LARP1: variants seen among roughly 807,000 people sequenced by gnomAD.
LARP1 encodes la-related protein 1.
LARP1 carries 36 observed loss-of-function variants against 122.7 expected under a neutral mutation model. The observed-to-expected ratio is 0.29, with a 90% CI of 0.22 to 0.39. The LOEUF (loss-of-function observed/expected upper bound fraction) is 0.39. Ranked by LOEUF, LARP1 falls within the 10% of genes least tolerant of loss-of-function variation. The probability of loss-of-function intolerance (pLI) is 1.00; values close to 1 mark genes in which losing one functional copy is unlikely to be tolerated. For missense variants in LARP1, 1,040 were observed against 1,403.6 expected (o/e 0.74, Z 4.14); for synonymous variants, 539 against 528.7 (o/e 1.02, Z -0.27).
intron 1 of LARP1, among the ~76,000 whole-genome samples, chr5:154,785,761 C>T (rs564663618): frequency 6.6e-6 from 1 of 152,252 alleles, no homozygotes; most frequent in Non-Finnish European, 1.5e-5. Context: ...GGTCATTAAC[C>T]ACTCCACTTT....
chr5:154,768,091 G>A (rs1425774011), intron 1 of LARP1, among the ~76,000 whole-genome samples: 2 of 152,158 alleles, frequency 1.3e-5, no homozygotes, highest in African/African-American at 4.8e-5. Flanking sequence ...AAGCTCTGAT[G>A]GCAGGTGAGA....
chr5:154,814,177 G>A lies in LARP1; in HGVS notation c.*81G>A. 2.2e-6 allele frequency: 3 copies of A among 1,346,652 alleles called. No homozygotes were observed. Among genetic ancestry groups the A allele is most frequent in the Non-Finnish European group, 3.1e-6 (3 of 961,446 alleles). The allele number at this position is 1,346,652 out of a possible 1,614,324, so 83.4% of individuals were successfully genotyped here. The stretch of plus-strand genomic sequence containing the variant: ...CATGGGGGTGCCCAGTCCCAGGAAA[G>A]GGGACAATGAAGGGACAGGCCTGGA... On this transcript the variant is annotated 3_prime_UTR_variant, in exon 19 of 19. Transcript: ENST00000518297.
At chr5:154,763,675 A>T (rs753486861) in intron 1 of LARP1, among the ~76,000 whole-genome samples, 2 of 151,604 alleles carry the variant, frequency 1.3e-5, no homozygotes, top group South Asian at 2.1e-4. Context: ...GTGACCCCAC[A>T]TGTAATGTAC....
chr5:154,756,681 G>T (rs1753951090), intron 1 of LARP1, among the ~76,000 whole-genome samples: 1 of 152,166 alleles, frequency 6.6e-6, no homozygotes, highest in Admixed American at 6.5e-5. Context: ...AGTACATGCT[G>T]GCCGCACGGA....
intron 1 of LARP1, among the ~76,000 whole-genome samples, chr5:154,691,343 TG>T (rs1387644978): frequency 6.6e-6 from 1 of 151,960 alleles, no homozygotes; most frequent in Non-Finnish European, 1.5e-5. Context: ...TGCCACTATC[TG>T]ACTGTGTGAC....
chr5:154,690,110 C>T (rs536760392), intron 1 of LARP1, among the ~76,000 whole-genome samples: 1 of 152,050 alleles, frequency 6.6e-6, no homozygotes, highest in Non-Finnish European at 1.5e-5. Context: ...TAGCAGCCCT[C>T]GGAAGGCAGG....
intron 1 of LARP1, among the ~76,000 whole-genome samples, chr5:154,728,244 G>C (rs976021160): frequency 3.3e-5 from 5 of 152,114 alleles, no homozygotes; most frequent in African/African-American, 1.2e-4. Context: ...AGCAGCCTGC[G>C]GATTCCGATG....
At chr5:154,764,594 TC>T (rs1754758182) in intron 1 of LARP1, among the ~76,000 whole-genome samples, 1 of 24,616 alleles carries the variant, frequency 4.1e-5, no homozygotes, top group African/African-American at 1.6e-4. Flanking sequence ...AGACCATGTC[TC>T]AAAAAAAAAA....
intron 1 of LARP1, among the ~76,000 whole-genome samples, chr5:154,763,137 C>T (rs35879162): frequency 0.055 from 8,344 of 151,228 alleles, 251 homozygotes; most frequent in South Asian, 0.066. Context: ...CTCAGCTCAC[C>T]GCAACCTATG....
intron 17 of LARP1, 54 bp from the exon 18 acceptor site, chr5:154,811,456 TCTC>T: frequency 2.5e-6 from 4 of 1,612,692 alleles, no homozygotes; most frequent in Non-Finnish European, 3.4e-6. Context: ...CACCTCCCTC[TCTC>T]CTCTGAGCTT....
rs796639791 is a variant in LARP1 at position 154,748,951 on chromosome 5, T to C, written c.205+35821T>C. ...GGAACATGTCTGTTTTGCTCACTTTTCTATGTCTAGGGCCTAGCAGTATCT... is the reference window on the plus strand; with the variant it reads ...GGAACATGTCTGTTTTGCTCACTTTCCTATGTCTAGGGCCTAGCAGTATCT... On this transcript the variant is annotated intron_variant, in intron 1 of 18. Coordinates refer to the LARP1 transcript ENST00000336314. Among the ~76,000 whole-genome samples the C allele has an allele frequency of 6.6e-5, 10 of 152,360 alleles. 1 individual carries two copies. The highest frequency in any genetic ancestry group is 2.4e-4 in the African/African-American group (10 of 41,580).
rs1031737172 is a variant in LARP1, at chr5:154,794,176, C to G, written c.1146C>G (p.Asn382Lys). 6.2e-7 allele frequency: 1 copy of G among 1,614,090 alleles called. No homozygotes were observed. Among genetic ancestry groups the G allele is most frequent in the African/African-American group, 1.3e-5 (1 of 74,924 alleles). Residue 382 changes from asparagine (N) to lysine (K), a missense_variant, in exon 7 of 19, where the codon AAC becomes AAG. Asn to Lys is a moderately conservative substitution (Grantham distance 94, BLOSUM62 0). Around this residue, in one of 8 missense-constraint regions of LARP1, gnomAD observed 362 missense variants for 533.1 expected, o/e 0.68. Transcript: ENST00000518297. ...CTCGTACGCCCAAGTACATGAACAA[C>G]ATCACCTACTACTTTGACAATGTCA... Reference protein sequence around the residue: ...EGPRTPKYMNNITYYFDNVSS... With the variant: ...EGPRTPKYMNKITYYFDNVSS...
At chr5:154,685,467 C>G (rs1279765033) in intron 1 of LARP1, among the ~76,000 whole-genome samples, 1 of 152,186 alleles carries the variant, frequency 6.6e-6, no homozygotes, top group African/African-American at 2.4e-5. Context: ...CCTTCAGTCT[C>G]AGCTCCTATG....
chr5:154,775,630 A>G (rs941336902), intron 1 of LARP1, among the ~76,000 whole-genome samples: 1 of 152,194 alleles, frequency 6.6e-6, no homozygotes, highest in African/African-American at 2.4e-5. Flanking sequence ...TACTCACATC[A>G]TTCCCTTTTC....
chr5:154,775,512 C>T (rs1172585734), intron 1 of LARP1, among the ~76,000 whole-genome samples: 3 of 147,616 alleles, frequency 2.0e-5, no homozygotes, highest in Non-Finnish European at 3.0e-5. Context: ...AAAAAAAAGG[C>T]GACTCCCCTG....
chr5:154,718,434 AG>A (rs1755649107), intron 1 of LARP1: 1 of 152,132 alleles, frequency 6.6e-6, no homozygotes, highest in South Asian at 2.1e-4. Context: ...GGCGATTCAC[AG>A]GTATGATCCC....
Position 154,811,515 on chromosome 5 carries a change from C to G in LARP1, c.2956C>G (p.Gln986Glu). Reference sequence around the variant, plus strand: ...CTTTTCTGTACCTCTCCCTACAGGCCAACTGTATGGGCTGGAGAAGTTCTG... The same window carrying G: ...CTTTTCTGTACCTCTCCCTACAGGCGAACTGTATGGGCTGGAGAAGTTCTG... Reference protein sequence around the residue: ...EETVKDYEAGQLYGLEKFWAF... With the variant: ...EETVKDYEAGELYGLEKFWAF... Residue 986 changes from glutamine to glutamate, a missense_variant and splice_region_variant, in exon 18 of 19, where the codon CAA becomes GAA. By Grantham distance (29) the Gln-to-Glu change is conservative (BLOSUM62 2). Transcript: ENST00000518297. 2 of 1,614,196 alleles carry G rather than the reference C, an allele frequency of 1.2e-6. No homozygotes were observed. Among genetic ancestry groups the G allele is most frequent in the Non-Finnish European group, 1.7e-6 (2 of 1,180,038 alleles).
chr5:154,731,288 C>A (rs923754215), intron 1 of LARP1, among the ~76,000 whole-genome samples: 3 of 152,122 alleles, frequency 2.0e-5, no homozygotes, highest in African/African-American at 7.2e-5. Context: ...GATTTTTCTT[C>A]TTGACAATCT....
At chr5:154,693,169 A>G (rs1015983375) in intron 1 of LARP1, among the ~76,000 whole-genome samples, 7 of 150,630 alleles carry the variant, frequency 4.6e-5, no homozygotes, top group Admixed American at 6.6e-5. Context: ...ACGGGGTCTC[A>G]CTCTGTTGCC....
Sources: gnomAD v4.1 joint callset for allele counts (sites outside exome capture counted in the v4.1 genomes callset) on GRCh38, gnomAD v4.1.1 for gene constraint, gnomAD v4.1.1 regional missense constraint, MANE v1.5 for transcripts, NCBI Gene and HGNC (gene_info 2026-07-23, HGNC 2026-07-21) for gene names.